UHRF2: variants seen among roughly 807,000 people sequenced by gnomAD.
UHRF2 encodes ubiquitin like with PHD and ring finger domains 2.
Under a neutral mutation model 96.8 loss-of-function variants are expected in UHRF2, and 23 were observed. That is an observed-to-expected ratio of 0.24 (90% CI 0.17 to 0.34). The LOEUF (loss-of-function observed/expected upper bound fraction) is 0.34. UHRF2 is among the 10% of genes least tolerant of loss of function. UHRF2 has a pLI of 1.00. For missense variants in UHRF2, 685 were observed against 981.5 expected (o/e 0.70, Z 4.04); for synonymous variants, 385 against 332.6 (o/e 1.16, Z -1.72).
intron 9 of UHRF2, among the ~76,000 whole-genome samples, chr9:6,491,883 C>T (rs1824679702): frequency 6.6e-6 from 1 of 152,112 alleles, no homozygotes; most frequent in Non-Finnish European, 1.5e-5. Flanking sequence ...ATTATTTTTC[C>T]ATAGGAAAAA....
chr9:6,492,217 A>T, intron 9 of UHRF2: 1 of 455,780 alleles, frequency 2.2e-6, no homozygotes, highest in South Asian at 2.8e-5. Context: ...AATGTTTTAA[A>T]TACTATTTAG....
chr9:6,449,494 C>T (rs1425290160), intron 3 of UHRF2: 1 of 152,200 alleles, frequency 6.6e-6, no homozygotes, highest in Non-Finnish European at 1.5e-5. Flanking sequence ...TTACCTTCAT[C>T]TTGTCGTCTG....
At chr9:6,444,270 A>G (rs1821357519) in intron 3 of UHRF2, among the ~76,000 whole-genome samples, 1 of 152,214 alleles carries the variant, frequency 6.6e-6, no homozygotes, top group African/African-American at 2.4e-5. Flanking sequence ...GTCTTTACCA[A>G]AGACTTAGAG....
At chr9:6,484,748 T>G (rs1446530672) in intron 8 of UHRF2, 3 of 150,714 alleles carry the variant, frequency 2.0e-5, no homozygotes, top group Non-Finnish European at 4.4e-5. Flanking sequence ...GTATTTATAC[T>G]GTTTTTAATT....
intron 4 of UHRF2, among the ~76,000 whole-genome samples, chr9:6,466,549 AG>A (rs1822869341): frequency 4.5e-5 from 3 of 65,950 alleles, no homozygotes; most frequent in East Asian, 3.9e-4. Context: ...CAAAAAAAAA[AG>A]GAAAAAAAAA....
intron 3 of UHRF2, among the ~76,000 whole-genome samples, chr9:6,459,176 C>G (rs764734580): frequency 6.6e-6 from 1 of 152,024 alleles, no homozygotes; most frequent in Non-Finnish European, 1.5e-5. Context: ...AGTAACAAAC[C>G]TGCACTTTCT....
At position 6,500,523 on chromosome 9, in the gene UHRF2, C is replaced by G. The variant is rs369883333; in HGVS notation, c.2006-29C>G. On this transcript the variant is annotated intron_variant, in intron 13 of 15. Coordinates refer to ENST00000276893, the MANE Select transcript of UHRF2 (RefSeq NM_152896.3). The stretch of plus-strand genomic sequence containing the variant: ...GTTCTGCTTAGAACCACTTGTAAGT[C>G]TGCTGATACATTTTTAAAATAAATC... 262 of 1,591,548 alleles carry G rather than the reference C, an allele frequency of 1.6e-4. 1 individual carries two copies. The highest frequency in any genetic ancestry group is 2.0e-4 in the Non-Finnish European group (238 of 1,170,994).
chr9:6,475,296 G>C (rs1276795202), intron 4 of UHRF2, 95 bp from the exon 5 acceptor site: 5 of 629,490 alleles, frequency 7.9e-6, no homozygotes, highest in African/African-American at 1.9e-5. Context: ...TAAATAGACA[G>C]ATTTCAGTGA....
intron 2 of UHRF2, among the ~76,000 whole-genome samples, chr9:6,424,398 C>G (rs988202005): frequency 1.4e-4 from 21 of 152,336 alleles, no homozygotes; most frequent in African/African-American, 5.1e-4. Context: ...ATTTTTAGCA[C>G]TGAAAGCCAA....
intron 10 of UHRF2, chr9:6,496,509 A>G (rs924903473): frequency 6.6e-6 from 1 of 152,184 alleles, no homozygotes; most frequent in Non-Finnish European, 1.5e-5. Flanking sequence ...ACTACTTCCA[A>G]TTCAGTGTTC....
At chr9:6,471,376 C>T (rs1011198536) in intron 4 of UHRF2, among the ~76,000 whole-genome samples, 1 of 152,148 alleles carries the variant, frequency 6.6e-6, no homozygotes, top group Non-Finnish European at 1.5e-5. Context: ...TAAGGTAACC[C>T]CCAGTGATTC....
Position 6,497,368 on chromosome 9 carries a change from A to G in UHRF2, c.1767+8A>G, listed in dbSNP as rs374374541. On this transcript the variant is annotated splice_region_variant and intron_variant, in intron 11 of 15. Transcript: ENST00000276893. ...TATGATGGCATTTATAAGGTGCTCT[A>G]TCTGGCATGACATCTTGTTTGTCAT... The G allele has an allele frequency of 8.1e-6, 13 of 1,612,160 alleles. No individual in the cohort carries two copies. Among genetic ancestry groups the G allele is most frequent in the South Asian group, 3.3e-5 (3 of 90,878 alleles).
At chr9:6,423,807 C>T (rs934481680) in intron 2 of UHRF2, among the ~76,000 whole-genome samples, 2 of 151,750 alleles carry the variant, frequency 1.3e-5, no homozygotes, top group East Asian at 1.9e-4. Context: ...TAGCTGGATG[C>T]GATGGCAGGT....
intron 4 of UHRF2, chr9:6,468,447 A>C (rs3739654): frequency 2.9e-5 from 13 of 455,788 alleles, no homozygotes; most frequent in African/African-American, 2.4e-4. Flanking sequence ...CAGAGAATCA[A>C]AGAGAACCAA....
chr9:6,428,322 T>G (rs951054197), intron 2 of UHRF2, among the ~76,000 whole-genome samples: 12 of 152,126 alleles, frequency 7.9e-5, no homozygotes, highest in African/African-American at 2.7e-4. Context: ...CCCAGGAACT[T>G]ACCAGGTGCC....
At chr9:6,420,429 G>T (rs1015297793) in intron 1 of UHRF2, among the ~76,000 whole-genome samples, 1 of 66 alleles carries the variant, frequency 0.015, no homozygotes, top group Non-Finnish European at 0.038. Flanking sequence ...TTATGGCCGG[G>T]TGCGGTGCTC....
intron 2 of UHRF2, among the ~76,000 whole-genome samples, chr9:6,425,346 C>G (rs1170960108): frequency 1.3e-5 from 2 of 152,100 alleles, no homozygotes. Context: ...TTTTGTTTTT[C>G]TTAAGCATTA....
intron 3 of UHRF2, among the ~76,000 whole-genome samples, chr9:6,454,140 A>G (rs1237489288): frequency 6.6e-6 from 1 of 152,252 alleles, no homozygotes. Context: ...GGTTAGGAAT[A>G]TAGTCCAAAA....
intron 4 of UHRF2, chr9:6,468,382 C>T (rs758910545): frequency 6.6e-5 from 30 of 452,938 alleles, no homozygotes; most frequent in South Asian, 4.7e-4. Flanking sequence ...TAGATTAGTG[C>T]TTTTAGCTAA....
Sources: gnomAD v4.1 joint callset for allele counts (sites outside exome capture counted in the v4.1 genomes callset) on GRCh38, gnomAD v4.1.1 for gene constraint, MANE v1.5 for transcripts, NCBI Gene and HGNC (gene_info 2026-07-23, HGNC 2026-07-21) for gene names.